PREX2: variants seen among roughly 807,000 people sequenced by gnomAD.
The protein encoded by PREX2 is phosphatidylinositol-3,4,5-trisphosphate dependent Rac exchange factor 2.
In PREX2, 107 loss-of-function variants were observed where a neutral mutation model predicts 203.2. The observed-to-expected ratio is 0.53, with a 90% confidence interval of 0.45 to 0.62. PREX2 has a LOEUF of 0.62. Among genes scored for constraint, PREX2 ranks in the 20% least tolerant of loss-of-function variants. The pLI is 0.00. For synonymous variants in PREX2, 672 were observed against 663.6 expected, an observed-to-expected ratio of 1.01 and a Z score of -0.19; for missense variants, 1,777 against 1,955.9, an observed-to-expected ratio of 0.91 and a Z score of 1.72.
chr8:67,962,352 A>G (rs1585656392), intron 1 of PREX2, among the ~76,000 whole-genome samples: 3 of 152,208 alleles, frequency 2.0e-5, no homozygotes, highest in African/African-American at 7.2e-5. Flanking sequence ...GATTCCAGAA[A>G]TAACATCTCT....
chr8:68,165,628 A>T (rs1811746291), intron 35 of PREX2, among the ~76,000 whole-genome samples: 1 of 152,098 alleles, frequency 6.6e-6, no homozygotes, highest in South Asian at 2.1e-4. Flanking sequence ...ATGGGTATGT[A>T]CTGTTTACCT....
intron 1 of PREX2, among the ~76,000 whole-genome samples, chr8:67,989,247 A>G (rs1181369873): frequency 6.6e-6 from 1 of 152,208 alleles, no homozygotes; most frequent in Admixed American, 6.5e-5. Context: ...ATTATAATTT[A>G]GTGACTAGAA....
chr8:68,105,360 T>A (rs548568514), intron 23 of PREX2: 1 of 1,365,620 alleles, frequency 7.3e-7, no homozygotes, highest in East Asian at 4.6e-5. Flanking sequence ...GGCCCCTGTC[T>A]GATTCTTACC....
intron 1 of PREX2, among the ~76,000 whole-genome samples, chr8:68,005,318 A>G (rs959998824): frequency 1.3e-5 from 2 of 152,124 alleles, no homozygotes; most frequent in African/African-American, 2.4e-5. Flanking sequence ...CCACAGCACC[A>G]TCGTCTTTCA....
At chr8:68,099,640 G>A (rs1481481444) in intron 22 of PREX2, 42 bp from the exon 23 acceptor site, 5 of 1,581,746 alleles carry the variant, frequency 3.2e-6, no homozygotes, top group Non-Finnish European at 3.5e-6. Flanking sequence ...GTCTGTATGT[G>A]TGTTTGTGTG....
chr8:68,192,415 T>C lies in PREX2; in HGVS notation c.4494T>C (p.Cys1498=). Residue 1498 remains cysteine, a synonymous_variant, in exon 37 of 40, where the codon TGT becomes TGC. Coordinates refer to ENST00000288368, the MANE Select transcript of PREX2 (RefSeq NM_024870.4). ...TCAGATCCAAGCGCACAGCTGCCTG[T>C]GCAAACACAGCTTGCAGTGCTTCTG... ...SFIRSKRTAA[C]ANTACSASGV... 6.2e-7 allele frequency: 1 copy of C among 1,614,134 alleles called. No individual in the cohort carries two copies. Among genetic ancestry groups the C allele is most frequent in the Admixed American group, 1.7e-5 (1 of 60,020 alleles).
chr8:67,957,978 T>C (rs1805534468), intron 1 of PREX2, among the ~76,000 whole-genome samples: 1 of 152,088 alleles, frequency 6.6e-6, no homozygotes. Flanking sequence ...AGAGAGATAC[T>C]GTGGTGTACA....
At chr8:68,017,081 C>T (rs1402717804) in intron 1 of PREX2, among the ~76,000 whole-genome samples, 1 of 152,066 alleles carries the variant, frequency 6.6e-6, no homozygotes, top group Non-Finnish European at 1.5e-5. Flanking sequence ...CTCCCCTAAA[C>T]TTTCTTTTTC....
intron 35 of PREX2, among the ~76,000 whole-genome samples, chr8:68,158,557 A>G (rs1811592626): frequency 6.6e-6 from 1 of 152,138 alleles, no homozygotes; most frequent in Non-Finnish European, 1.5e-5. Context: ...TACAGAAATA[A>G]CATTGACAAG....
intron 8 of PREX2, among the ~76,000 whole-genome samples, chr8:68,046,100 A>T (rs558305070): frequency 1.3e-5 from 2 of 152,058 alleles, no homozygotes; most frequent in East Asian, 3.9e-4. Context: ...CCATCTCTCC[A>T]CTGTTGCTTA....
intron 9 of PREX2, 141 bp from the exon 10 acceptor site, chr8:68,055,689 G>C (rs893754148): frequency 4.1e-6 from 3 of 730,070 alleles, no homozygotes; most frequent in Non-Finnish European, 6.6e-6. Flanking sequence ...TTGAACACCA[G>C]GGCACTATTA....
At chr8:68,073,807 T>C (rs1273493549) in intron 14 of PREX2, among the ~76,000 whole-genome samples, 1 of 152,158 alleles carries the variant, frequency 6.6e-6, no homozygotes, top group African/African-American at 2.4e-5. Context: ...ATGTGTTGAT[T>C]ACGTGAGAAA....
intron 18 of PREX2, among the ~76,000 whole-genome samples, chr8:68,085,618 TA>T (rs1278793747): frequency 1.3e-5 from 2 of 152,174 alleles, no homozygotes; most frequent in African/African-American, 4.8e-5. Flanking sequence ...CTGTAGGAAA[TA>T]GAACATCCGT....
chr8:68,035,003 A>G (rs1377616439), intron 6 of PREX2, among the ~76,000 whole-genome samples: 1 of 151,452 alleles, frequency 6.6e-6, no homozygotes, highest in Non-Finnish European at 1.5e-5. Flanking sequence ...CAAAATTTCA[A>G]TGAAGTGGAA....
intron 13 of PREX2, among the ~76,000 whole-genome samples, chr8:68,072,205 A>G (rs781086432): frequency 2.6e-5 from 4 of 152,184 alleles, no homozygotes; most frequent in Non-Finnish European, 5.9e-5. Context: ...TCCAGCTAAT[A>G]TAGCAGTAAT....
At chr8:68,044,140 A>G (rs1808273841) in intron 7 of PREX2, among the ~76,000 whole-genome samples, 1 of 152,118 alleles carries the variant, frequency 6.6e-6, no homozygotes, top group Admixed American at 6.6e-5. Context: ...AAAGAAACTC[A>G]AATGAAATTT....
rs548622459 is a variant in PREX2, at chr8:68,159,592, G to A, written c.4346+2156G>A. Among the ~76,000 whole-genome samples the A allele has an allele frequency of 1.1e-4, 16 of 152,232 alleles. No individual in the cohort carries two copies. In the East Asian group the frequency reaches 3.1e-3, roughly 29 times the overall value. ...TCCTGTCAGAAAGTGACATTCTTTA[G>A]TTACCATGAGGACAGAAACCTTATA... is the stretch of plus-strand genomic sequence containing the variant. On this transcript the variant is annotated intron_variant, in intron 35 of 39. Transcript: ENST00000288368.
chr8:68,216,968 C>CAAAAAAAAAAAAA (rs59972334), intron 37 of PREX2, among the ~76,000 whole-genome samples: 1 of 112,888 alleles, frequency 8.9e-6, no homozygotes. Flanking sequence ...CTCAAAAAAA[C>CAAAAAAAAAAAAA]AAAAAAAAAA....
At chr8:67,958,861 C>G (rs748554493) in intron 1 of PREX2, among the ~76,000 whole-genome samples, 1 of 152,082 alleles carries the variant, frequency 6.6e-6, no homozygotes, top group African/African-American at 2.4e-5. Context: ...GGGGACAGAA[C>G]AGCACTAGGA....
Sources: gnomAD v4.1 joint callset for allele counts (sites outside exome capture counted in the v4.1 genomes callset) on GRCh38, gnomAD v4.1.1 for gene constraint, MANE v1.5 for transcripts, NCBI Gene and HGNC (gene_info 2026-07-23, HGNC 2026-07-21) for gene names.